SMYD3: variants seen among roughly 807,000 people sequenced by gnomAD.
The protein encoded by SMYD3 is SET and MYND domain containing 3.
A neutral mutation model predicts 57.7 loss-of-function variants in SMYD3; 36 were observed. The observed-to-expected ratio is 0.62, with a 90% confidence interval of 0.48 to 0.82. The LOEUF is 0.82. SMYD3 is among the 40% of genes least tolerant of loss of function. The probability of loss-of-function intolerance (pLI) is 0.00; values close to 1 mark genes in which losing one functional copy is unlikely to be tolerated. For missense variants in SMYD3, 515 were observed against 538.8 expected, an observed-to-expected ratio of 0.96 and a Z score of 0.44; for synonymous variants, 211 against 195.0, an observed-to-expected ratio of 1.08 and a Z score of -0.68.
intron 5 of SMYD3, among the ~76,000 whole-genome samples, chr1:246,017,807 G>T (rs1380914296): frequency 2.0e-5 from 3 of 152,128 alleles, no homozygotes; most frequent in Non-Finnish European, 4.4e-5. Context: ...TTTAAGCACT[G>T]AACTCACAAA....
intron 1 of SMYD3, among the ~76,000 whole-genome samples, chr1:246,358,894 C>A (rs1252005768): frequency 6.6e-6 from 1 of 152,108 alleles, no homozygotes; most frequent in Non-Finnish European, 1.5e-5. Flanking sequence ...TCTAAGGCTA[C>A]ACCTCACAAA....
At chr1:246,374,763 A>C (rs2066245477) in intron 1 of SMYD3, among the ~76,000 whole-genome samples, 1 of 152,094 alleles carries the variant, frequency 6.6e-6, no homozygotes, top group African/African-American at 2.4e-5. Context: ...ACTTGAGGTC[A>C]GGAGTTCAAG....
chr1:245,905,023 C>T (rs192904071), intron 8 of SMYD3, among the ~76,000 whole-genome samples: 7 of 151,768 alleles, frequency 4.6e-5, no homozygotes, highest in South Asian at 2.1e-4. Flanking sequence ...TTGAAGGAAA[C>T]AACCCAGTCC....
chr1:246,279,181 G>A (rs1168003283), intron 5 of SMYD3, among the ~76,000 whole-genome samples: 3 of 152,150 alleles, frequency 2.0e-5, no homozygotes, highest in Non-Finnish European at 1.5e-5. Flanking sequence ...GGCCCCAGTG[G>A]ACATGACACA....
chr1:246,005,460 T>C (rs2059152102), intron 5 of SMYD3, among the ~76,000 whole-genome samples: 1 of 152,228 alleles, frequency 6.6e-6, no homozygotes, highest in Admixed American at 6.5e-5. Flanking sequence ...CCCTGAACAT[T>C]GGTTTGCTCA....
intron 5 of SMYD3, among the ~76,000 whole-genome samples, chr1:246,275,159 G>A (rs887522142): frequency 2.6e-5 from 4 of 152,170 alleles, no homozygotes; most frequent in African/African-American, 9.7e-5. Context: ...AAGAGCAGGG[G>A]CAGGCAACTG....
intron 10 of SMYD3, among the ~76,000 whole-genome samples, chr1:245,798,442 ACATAAAAATATG>A (rs2047681087): frequency 8.7e-5 from 12 of 138,134 alleles, no homozygotes; most frequent in Admixed American, 2.2e-4. Context: ...ACATACACAC[ACATAAAAATATG>A]CACACACATA....
intron 5 of SMYD3, among the ~76,000 whole-genome samples, chr1:245,969,108 A>G (rs1294638328): frequency 6.6e-6 from 1 of 152,222 alleles, no homozygotes; most frequent in Non-Finnish European, 1.5e-5. Context: ...AAACGTAAGT[A>G]CTTCTGAGTT....
chr1:245,865,804 A>G (rs558923581), intron 8 of SMYD3, among the ~76,000 whole-genome samples: 2 of 152,346 alleles, frequency 1.3e-5, no homozygotes, highest in Admixed American at 6.5e-5. Flanking sequence ...CAACCCAGAT[A>G]CAGAACAGTT....
intron 5 of SMYD3, among the ~76,000 whole-genome samples, chr1:245,989,608 G>A (rs1207099680): frequency 6.6e-6 from 1 of 152,232 alleles, no homozygotes; most frequent in Non-Finnish European, 1.5e-5. Flanking sequence ...CAAACACAAC[G>A]AAGGCTTCTG....
At chr1:246,074,174 A>G (rs2060505141) in intron 5 of SMYD3, among the ~76,000 whole-genome samples, 2 of 152,120 alleles carry the variant, frequency 1.3e-5, no homozygotes, top group Non-Finnish European at 2.9e-5. Context: ...AAGATTAGAC[A>G]CCCCTGGCCC....
chr1:245,774,150 C>T (rs916930771), intron 10 of SMYD3, among the ~76,000 whole-genome samples: 1 of 152,158 alleles, frequency 6.6e-6, no homozygotes, highest in African/African-American at 2.4e-5. Context: ...AAGAAGGACT[C>T]CTGACAAATA....
chr1:246,273,169 G>A (rs1463869519), intron 5 of SMYD3, among the ~76,000 whole-genome samples: 2 of 103,404 alleles, frequency 1.9e-5, no homozygotes, highest in Non-Finnish European at 3.6e-5. Context: ...TTTGGGGGGG[G>A]GACAGAGTCT....
chr1:245,850,640 G>A (rs1341819734), intron 10 of SMYD3, among the ~76,000 whole-genome samples: 3 of 152,170 alleles, frequency 2.0e-5, no homozygotes, highest in Non-Finnish European at 2.9e-5. Flanking sequence ...AGTAAACACT[G>A]CAGTGAGAAG....
At chr1:245,898,637 C>G (rs764168844) in intron 8 of SMYD3, among the ~76,000 whole-genome samples, 30 of 152,198 alleles carry the variant, frequency 2.0e-4, no homozygotes, top group Non-Finnish European at 4.3e-4. Flanking sequence ...GGTGAATAAT[C>G]AGGGGCTATT....
chr1:245,797,415 C>G (rs1442315219), intron 10 of SMYD3, among the ~76,000 whole-genome samples: 2 of 140,574 alleles, frequency 1.4e-5, no homozygotes, highest in Non-Finnish European at 3.0e-5. Context: ...TCTCAACAAA[C>G]TATCACAAGG....
intron 5 of SMYD3, among the ~76,000 whole-genome samples, chr1:246,012,221 C>T (rs746555315): frequency 2.8e-4 from 43 of 152,272 alleles, no homozygotes; most frequent in African/African-American, 9.4e-4. Flanking sequence ...TTACATAAAG[C>T]GTTGAAAACC....
chr1:245,809,419 G>T (rs2048340814), intron 10 of SMYD3, among the ~76,000 whole-genome samples: 1 of 152,176 alleles, frequency 6.6e-6, no homozygotes, highest in Non-Finnish European at 1.5e-5. Context: ...GACCCACAGA[G>T]AAAGCAGGAG....
At chr1:246,138,870 A>G (rs1015341706) in intron 5 of SMYD3, among the ~76,000 whole-genome samples, 6 of 152,144 alleles carry the variant, frequency 3.9e-5, no homozygotes, top group Non-Finnish European at 7.3e-5. Flanking sequence ...TCCCTTTTGT[A>G]TCTTCTCTCA....
Sources: gnomAD v4.1 joint callset for allele counts (sites outside exome capture counted in the v4.1 genomes callset) on GRCh38, gnomAD v4.1.1 for gene constraint, MANE v1.5 for transcripts, NCBI Gene and HGNC (gene_info 2026-07-23, HGNC 2026-07-21) for gene names.